NFIB: variants seen among roughly 807,000 people sequenced by gnomAD.
NFIB encodes the protein nuclear factor 1 B-type.
NFIB carries 11 observed loss-of-function variants against 61.5 expected under a neutral mutation model. That is an observed-to-expected ratio of 0.18 (90% CI 0.11 to 0.30). The LOEUF is 0.30. Among genes scored for constraint, NFIB ranks in the 10% least tolerant of loss-of-function variants. The pLI is 1.00. For synonymous variants in NFIB, 260 were observed against 216.5 expected, an observed-to-expected ratio of 1.20 and a Z score of -1.76; for missense variants, 471 against 608.9, an observed-to-expected ratio of 0.77 and a Z score of 2.38.
chr9:14,247,988 A>G (rs1439783243), intron 2 of NFIB, among the ~76,000 whole-genome samples: 4 of 148,208 alleles, frequency 2.7e-5, no homozygotes, highest in South Asian at 2.1e-4. Context: ...GCTGGAGTAC[A>G]ACGGCATAAT....
chr9:14,172,402 T>C (rs2045664497), intron 3 of NFIB, among the ~76,000 whole-genome samples: 2 of 152,218 alleles, frequency 1.3e-5, no homozygotes, highest in East Asian at 3.9e-4. Context: ...ACACAGAAAG[T>C]TGATGGCTTC....
At chr9:14,405,757 G>A in the NFIB span, among the ~76,000 whole-genome samples, 4,263 of 152,306 alleles carry the variant, frequency 0.028, 191 homozygotes, top group African/African-American at 0.097. Flanking sequence ...ATAAGACTCA[G>A]CCTTGCAGCT....
chr9:14,183,405 ATT>A (rs756285216), intron 2 of NFIB, among the ~76,000 whole-genome samples: 5 of 144,746 alleles, frequency 3.5e-5, no homozygotes, highest in Admixed American at 1.4e-4. Flanking sequence ...GGGAAAAAAA[ATT>A]TTTTTTTTTT....
At chr9:14,156,017 A>C in intron 3 of NFIB, 124 bp from the exon 4 acceptor site, 1 of 501,470 alleles carries the variant, frequency 2.0e-6, no homozygotes, top group East Asian at 3.6e-5. Context: ...GCTTACAATA[A>C]GGACTTTAAA....
chr9:14,304,714 G>A (rs554600426), intron 2 of NFIB, among the ~76,000 whole-genome samples: 10 of 152,334 alleles, frequency 6.6e-5, no homozygotes, highest in African/African-American at 2.4e-4. Flanking sequence ...AGACTTAGGT[G>A]AGTTATCATG....
chr9:14,461,027 T>G, the NFIB span, among the ~76,000 whole-genome samples: 1 of 152,090 alleles, frequency 6.6e-6, no homozygotes, highest in South Asian at 2.1e-4. Context: ...CCTTCCTCCG[T>G]GCACCCTCTT....
chr9:14,429,689 G>T, the NFIB span, among the ~76,000 whole-genome samples: 2 of 152,184 alleles, frequency 1.3e-5, no homozygotes, highest in African/African-American at 4.8e-5. Flanking sequence ...GCCACCACCA[G>T]CTGACACTCT....
At chr9:14,173,652 GTGTGTAT>G (rs2045823962) in intron 3 of NFIB, among the ~76,000 whole-genome samples, 1 of 152,108 alleles carries the variant, frequency 6.6e-6, no homozygotes, top group African/African-American at 2.4e-5. Flanking sequence ...GTATAAAATG[GTGTGTAT>G]TTTACACAAG....
At chr9:14,464,094 G>A in the NFIB span, among the ~76,000 whole-genome samples, 17 of 152,154 alleles carry the variant, frequency 1.1e-4, no homozygotes, top group Non-Finnish European at 7.3e-5. Context: ...GCTAGTGACT[G>A]GCTGTGTCTC....
chr9:14,191,359 G>C (rs989238278), intron 2 of NFIB, among the ~76,000 whole-genome samples: 11 of 151,996 alleles, frequency 7.2e-5, no homozygotes, highest in Non-Finnish European at 1.0e-4. Flanking sequence ...AAAAAATACA[G>C]ATAATTCTAA....
In NFIB at chr9:14,279,372, T is replaced by C. The variant is rs572420322; in HGVS notation, c.562+27617A>G. On this transcript the variant is annotated intron_variant, in intron 2 of 10. Coordinates refer to ENST00000380953, the MANE Select transcript of NFIB (RefSeq NM_001190737.2). Reference sequence around the variant, plus strand: ...ACTGATAACTAGATTCTCCAAGTTGTATCCCCTTCCCACTACTTTCACACA... The same window carrying C: ...ACTGATAACTAGATTCTCCAAGTTGCATCCCCTTCCCACTACTTTCACACA... Among the ~76,000 whole-genome samples, 31 of 152,278 alleles carry C rather than the reference T, an allele frequency of 2.0e-4. No homozygotes were observed. In the East Asian group the frequency reaches 5.6e-3, roughly 28 times the overall value.
the NFIB span, among the ~76,000 whole-genome samples, chr9:14,463,721 C>T: frequency 7.5e-6 from 1 of 133,714 alleles, no homozygotes; most frequent in Non-Finnish European, 1.5e-5. Flanking sequence ...AGTGCAGTGG[C>T]GCAATCTCGG....
the NFIB span, among the ~76,000 whole-genome samples, chr9:14,442,682 G>A: frequency 5.3e-5 from 8 of 152,044 alleles, no homozygotes; most frequent in East Asian, 9.7e-4. Context: ...GTCTGTCTCC[G>A]TGTCAGACTT....
intron 1 of NFIB, among the ~76,000 whole-genome samples, chr9:14,355,605 T>C (rs975124386): frequency 3.9e-5 from 6 of 152,180 alleles, no homozygotes; most frequent in African/African-American, 1.4e-4. Context: ...CCTGGGTGTG[T>C]GTCCTTTGCA....
chr9:14,256,229 G>A (rs570837473), intron 2 of NFIB, among the ~76,000 whole-genome samples: 1 of 152,304 alleles, frequency 6.6e-6, no homozygotes, highest in Middle Eastern at 3.4e-3. Context: ...ATTTCAGGGT[G>A]AGGGAGGTCT....
At chr9:14,349,851 A>G (rs2132907544) in intron 1 of NFIB, among the ~76,000 whole-genome samples, 1 of 152,266 alleles carries the variant, frequency 6.6e-6, no homozygotes, top group African/African-American at 2.4e-5. Flanking sequence ...CCCGCGCGGC[A>G]GTCCCCCGCC....
the NFIB span, among the ~76,000 whole-genome samples, chr9:14,504,659 A>G: frequency 1.3e-5 from 2 of 152,198 alleles, no homozygotes; most frequent in African/African-American, 4.8e-5. Flanking sequence ...TAGCAGAGCT[A>G]CTGATTTGTG....
upstream of NFIB, among the ~76,000 whole-genome samples, chr9:14,315,057 G>C (rs1293651296): frequency 2.0e-5 from 3 of 151,908 alleles, no homozygotes; most frequent in Non-Finnish European, 4.4e-5. Context: ...TCAGTCCGCG[G>C]AGCCTGCGGC....
At chr9:14,531,874 G>T in the NFIB span, 1 of 152,098 alleles carries the variant, frequency 6.6e-6, no homozygotes, top group South Asian at 2.1e-4. Context: ...GAACAATAGA[G>T]GAGGAGCTCG....
Sources: gnomAD v4.1 joint callset for allele counts (sites outside exome capture counted in the v4.1 genomes callset) on GRCh38, gnomAD v4.1.1 for gene constraint, MANE v1.5 for transcripts, NCBI Gene and HGNC (gene_info 2026-07-23, HGNC 2026-07-21) for gene names.